The following CELF2 variants were observed in gnomAD, a reference collection of about 807,000 sequenced individuals.
The protein encoded by CELF2 is CUG triplet repeat RNA-binding protein 2.
CELF2 carries 8 observed loss-of-function variants against 62.6 expected under a neutral mutation model. That is an observed-to-expected ratio of 0.13 (90% CI 0.07 to 0.23). The LOEUF is 0.23. CELF2 is among the 10% of genes least tolerant of loss of function. The probability of loss-of-function intolerance (pLI) is 1.00; values close to 1 mark genes in which losing one functional copy is unlikely to be tolerated. For synonymous variants in CELF2, 258 were observed against 250.0 expected (o/e 1.03, Z -0.30); for missense variants, 333 against 671.0 (o/e 0.50, Z 5.56).
chr10:10,736,700 A>T, the CELF2 span, among the ~76,000 whole-genome samples: 1 of 152,050 alleles, frequency 6.6e-6, no homozygotes, highest in Admixed American at 6.6e-5. Flanking sequence ...GTCAGAGCTA[A>T]TGTTTTTAGC....
the CELF2 span, among the ~76,000 whole-genome samples, chr10:10,775,722 C>T: frequency 6.6e-6 from 1 of 151,998 alleles, no homozygotes; most frequent in East Asian, 1.9e-4. Flanking sequence ...AGATTCTAAA[C>T]ATCAAATTGG....
At chr10:10,869,882 G>A (rs2060626786) in intron 1 of CELF2, among the ~76,000 whole-genome samples, 1 of 152,186 alleles carries the variant, frequency 6.6e-6, no homozygotes, top group Non-Finnish European at 1.5e-5. Flanking sequence ...TCTGAAGGCT[G>A]AGAGGATTGC....
At chr10:10,902,583 T>A (rs1390994548) in intron 1 of CELF2, among the ~76,000 whole-genome samples, 2 of 152,164 alleles carry the variant, frequency 1.3e-5, no homozygotes, top group African/African-American at 4.8e-5. Flanking sequence ...AATCAGTGGT[T>A]ACTTGGGGAC....
chr10:10,589,297 A>G, the CELF2 span, among the ~76,000 whole-genome samples: 2 of 152,224 alleles, frequency 1.3e-5, no homozygotes, highest in Admixed American at 1.3e-4. Context: ...TATCATGCAG[A>G]TGAAGCTTCC....
intron 1 of CELF2, among the ~76,000 whole-genome samples, chr10:11,128,403 A>G (rs2059073769): frequency 6.6e-6 from 1 of 152,062 alleles, no homozygotes; most frequent in African/African-American, 2.4e-5. Context: ...ATTTTTTCCA[A>G]TTCTGTGAAG....
At chr10:11,289,737 A>G (rs1184619706) in intron 9 of CELF2, among the ~76,000 whole-genome samples, 1 of 152,236 alleles carries the variant, frequency 6.6e-6, no homozygotes, top group African/African-American at 2.4e-5. Context: ...TTCCTGAAAA[A>G]TCAACTTTGT....
chr10:11,119,875 G>A (rs1272528080), intron 1 of CELF2, among the ~76,000 whole-genome samples: 4 of 41,224 alleles, frequency 9.7e-5, no homozygotes, highest in South Asian at 1.5e-3. Flanking sequence ...CCCCCCCCCC[G>A]GCCCCCGCTT....
chr10:11,036,079 C>T (rs1267332674), intron 1 of CELF2, among the ~76,000 whole-genome samples: 5 of 152,180 alleles, frequency 3.3e-5, no homozygotes, highest in Non-Finnish European at 5.9e-5. Context: ...GATCTGCATG[C>T]GTAAATACTC....
intron 2 of CELF2, among the ~76,000 whole-genome samples, chr10:10,954,673 C>T (rs1421868737): frequency 6.6e-6 from 1 of 152,118 alleles, no homozygotes; most frequent in East Asian, 1.9e-4. Flanking sequence ...AATCCTGCAC[C>T]GTTTGTAGAA....
the CELF2 span, among the ~76,000 whole-genome samples, chr10:10,511,733 G>A: frequency 2.0e-5 from 3 of 152,024 alleles, no homozygotes; most frequent in Non-Finnish European, 4.4e-5. Context: ...ACTATAAAAT[G>A]TAAATAATAA....
intron 2 of CELF2, chr10:10,927,356 A>AACAAAC (rs1564832589): frequency 6.7e-6 from 1 of 150,364 alleles, no homozygotes; most frequent in South Asian, 2.1e-4. Flanking sequence ...TAAAAAAAAA[A>AACAAAC]AAAAAAAAAA....
the CELF2 span, among the ~76,000 whole-genome samples, chr10:10,693,988 G>C: frequency 1.3e-5 from 2 of 151,138 alleles, no homozygotes; most frequent in African/African-American, 4.9e-5. Context: ...ATTTTTTGAA[G>C]GGTTTTTTGT....
rs184447902 is a variant in CELF2, at chr10:10,845,539, A to G, written c.53+46722A>G. Among the ~76,000 whole-genome samples, 14 of 152,298 alleles carry G rather than the reference A, an allele frequency of 9.2e-5. No homozygotes were observed. The South Asian group carries it at 2.1e-3, about 23-fold the overall frequency. ...TTTCTGAGCTATCTCTTCCAAGAAAAAGACAGTATCTGTGCAAAGATATCA... is the reference window on the plus strand; with the variant it reads ...TTTCTGAGCTATCTCTTCCAAGAAAGAGACAGTATCTGTGCAAAGATATCA... On this transcript the variant is annotated intron_variant, in intron 1 of 13. Transcript: ENST00000636488.
chr10:10,761,663 C>T, the CELF2 span, among the ~76,000 whole-genome samples: 4 of 152,212 alleles, frequency 2.6e-5, no homozygotes, highest in African/African-American at 9.6e-5. Context: ...AACCTCCTGC[C>T]TGACCAATTG....
At chr10:10,604,237 A>T in the CELF2 span, among the ~76,000 whole-genome samples, 2 of 152,202 alleles carry the variant, frequency 1.3e-5, no homozygotes, top group Non-Finnish European at 2.9e-5. Context: ...TTTACAAACA[A>T]TAACTCATTC....
the CELF2 span, among the ~76,000 whole-genome samples, chr10:10,686,683 G>T: frequency 6.6e-6 from 1 of 152,126 alleles, no homozygotes; most frequent in Non-Finnish European, 1.5e-5. Flanking sequence ...TGTAAGACAT[G>T]CCTGTTTCAC....
chr10:11,109,091 C>A (rs1205915245), intron 1 of CELF2, among the ~76,000 whole-genome samples: 1 of 152,168 alleles, frequency 6.6e-6, no homozygotes, highest in African/African-American at 2.4e-5. Context: ...GCAGTTAATT[C>A]TGTTAGCTGC....
the CELF2 span, among the ~76,000 whole-genome samples, chr10:10,692,125 G>C: frequency 6.7e-6 from 1 of 149,164 alleles, no homozygotes; most frequent in African/African-American, 2.5e-5. Flanking sequence ...TTTCTTCTAG[G>C]GTTTTTATGG....
At chr10:10,543,421 G>A in the CELF2 span, among the ~76,000 whole-genome samples, 1 of 152,196 alleles carries the variant, frequency 6.6e-6, no homozygotes, top group Admixed American at 6.5e-5. Flanking sequence ...CTAGTGACCT[G>A]CACAGAGGCC....
Sources: allele counts gnomAD v4.1 joint callset (sites outside exome capture counted in the v4.1 genomes callset), GRCh38; gene constraint gnomAD v4.1.1; transcripts MANE v1.5; gene names NCBI Gene and HGNC (gene_info 2026-07-23, HGNC 2026-07-21).